ETF1: variants seen among roughly 807,000 people sequenced by gnomAD.
The protein encoded by ETF1 is eukaryotic peptide chain release factor subunit 1.
ETF1 carries 4 observed loss-of-function variants against 55.1 expected under a neutral mutation model. The observed-to-expected ratio is 0.07, with a 90% confidence interval of 0.04 to 0.17. ETF1 has a LOEUF of 0.17. Among genes scored for constraint, ETF1 ranks in the 10% least tolerant of loss-of-function variants. The pLI is 1.00. For missense variants in ETF1, 142 were observed against 523.6 expected (o/e 0.27, Z 7.11); for synonymous variants, 157 against 182.3 (o/e 0.86, Z 1.12).
intron 2 of ETF1, among the ~76,000 whole-genome samples, chr5:138,537,264 T>C (rs1561846713): frequency 6.6e-6 from 1 of 152,238 alleles, no homozygotes; most frequent in Non-Finnish European, 1.5e-5. Context: ...TTCAGACCTG[T>C]GGCATCTGTA....
At position 138,508,537 on chromosome 5, in the gene ETF1, C is replaced by A; in HGVS notation, c.1231+132G>T. The A allele has an allele frequency of 6.4e-6, 10 of 1,552,324 alleles. No homozygotes were observed. In the South Asian group the frequency reaches 1.1e-4, roughly 18 times the overall value. ...ATAAACATGGGTCCAAATTAGGAAC[C>A]TGCACCTGCTGCGTCAATCACCTAT... is the stretch of plus-strand genomic sequence containing the variant. On this transcript the variant is annotated intron_variant, in intron 10 of 10. Transcript: ENST00000360541.
Position 138,541,447 on chromosome 5 carries a change from A to C in ETF1, c.86+1386T>G, listed in dbSNP as rs1766169179. On this transcript the variant is annotated intron_variant, in intron 2 of 10. Coordinates refer to ENST00000360541, the MANE Select transcript of ETF1 (RefSeq NM_004730.4). ...CACAAGCCCGTCACTGAATGGGGCC[A>C]AACTTTTAGAAGCCTCATTCCAAAC... 3.5e-6 allele frequency: 4 copies of C among 1,151,470 alleles called. No individual in the cohort carries two copies. The South Asian group carries it at 5.3e-5, about 15-fold the overall frequency. The allele number at this position is 1,151,470 out of a possible 1,614,324, so 71.3% of individuals were successfully genotyped here.
At chr5:138,519,498 T>C (rs1474871968) in intron 2 of ETF1, among the ~76,000 whole-genome samples, 3 of 149,956 alleles carry the variant, frequency 2.0e-5, no homozygotes, top group Middle Eastern at 3.4e-3. Context: ...CTCGTCTCAA[T>C]TAAAAAAAAA....
At chr5:138,531,874 A>G (rs765836060) in intron 2 of ETF1, among the ~76,000 whole-genome samples, 4 of 152,010 alleles carry the variant, frequency 2.6e-5, no homozygotes, top group Admixed American at 6.6e-5. Flanking sequence ...GTGAAACCCC[A>G]TCTCTACTAA....
chr5:138,527,755 G>T (rs897807082), intron 2 of ETF1, among the ~76,000 whole-genome samples: 1 of 151,940 alleles, frequency 6.6e-6, no homozygotes, highest in African/African-American at 2.4e-5. Flanking sequence ...AACCCTAGGG[G>T]TTTGTAGGAA....
At chr5:138,512,614 G>A (rs930521687) in intron 6 of ETF1, 150 bp downstream of exon 6, 13 of 594,524 alleles carry the variant, frequency 2.2e-5, no homozygotes, top group African/African-American at 2.2e-4. Context: ...AATGTTTCCT[G>A]ATAAACATCT....
intron 2 of ETF1, among the ~76,000 whole-genome samples, chr5:138,525,470 T>TAAG (rs10629684): frequency 0.94 from 143,593 of 152,004 alleles, 67,893 homozygotes; most frequent in East Asian, 0.99. Flanking sequence ...AATAATTTTA[T>TAAG]GAGAACAAGC....
chr5:138,522,858 T>C (rs930810055), intron 2 of ETF1, among the ~76,000 whole-genome samples: 4 of 150,642 alleles, frequency 2.7e-5, no homozygotes, highest in African/African-American at 9.8e-5. Context: ...TACAAAAAAT[T>C]AGCCGGGCGC....
chr5:138,518,893 G>C (rs1220413679), intron 2 of ETF1, 26 bp from the exon 3 acceptor site: 23 of 1,608,050 alleles, frequency 1.4e-5, no homozygotes, highest in African/African-American at 2.7e-5. Flanking sequence ...TAACTCATTA[G>C]GGATTTAAAT....
At chr5:138,514,731 G>A (rs1173139381) in intron 4 of ETF1, among the ~76,000 whole-genome samples, 1 of 151,892 alleles carries the variant, frequency 6.6e-6, no homozygotes, top group Non-Finnish European at 1.5e-5. Flanking sequence ...TGTCTTTAAA[G>A]GTATTGCAGC....
chr5:138,529,027 T>C (rs1225290958), intron 2 of ETF1, among the ~76,000 whole-genome samples: 1 of 151,860 alleles, frequency 6.6e-6, no homozygotes, highest in African/African-American at 2.4e-5. Flanking sequence ...ATGCTTGTAA[T>C]CCCAGCAGGA....
Position 138,513,646 on chromosome 5 carries a change from C to T in ETF1, c.463G>A (p.Gly155Ser), listed in dbSNP as rs1764903356. ...KFGFIVIDGS[G>S]ALFGTLQGNT... ...CCTTGGAGTGTGCCAAAAAGTGCAC[C>T]ACTACCATCTATTACAATGAATCCA... is the stretch of plus-strand genomic sequence containing the variant. Residue 155 changes from glycine (G) to serine (S), a missense_variant, in exon 5 of 11, where the codon GGT becomes AGT. By Grantham distance (56) the Gly-to-Ser change is moderately conservative (BLOSUM62 0). This residue lies in a region of ETF1 where 22 missense variants were observed against 158.7 expected (regional missense o/e 0.14). Transcript: ENST00000360541. The T allele has an allele frequency of 6.2e-7, 1 of 1,610,664 alleles. No individual in the cohort carries two copies. Among genetic ancestry groups the T allele is most frequent in the Non-Finnish European group, 8.5e-7 (1 of 1,177,184 alleles).
chr5:138,529,701 A>C, intron 2 of ETF1: 1 of 984,904 alleles, frequency 1.0e-6, no homozygotes, highest in Non-Finnish European at 1.2e-6. Flanking sequence ...ACAGGTGAAA[A>C]AAAGGAATTG....
chr5:138,508,220 G>T lies in ETF1; in HGVS notation c.*85C>A. 7.0e-7 allele frequency: 1 copy of T among 1,421,900 alleles called. No homozygotes were observed. 88.1% of individuals were successfully genotyped at this position (1,421,900 alleles called of 1,614,324 possible). ...GGAAATGTTCCAATTGTAAGGCAGG[G>T]ATCTGTTTGGATTCCACCATGGGTA... is the stretch of plus-strand genomic sequence containing the variant. On this transcript the variant is annotated 3_prime_UTR_variant, in exon 11 of 11. Transcript: ENST00000360541.
chr5:138,514,312 G>C (rs1764928537), intron 4 of ETF1, among the ~76,000 whole-genome samples: 1 of 152,174 alleles, frequency 6.6e-6, no homozygotes, highest in South Asian at 2.1e-4. Context: ...CCAGCACTAT[G>C]GGAGGCTGTG....
At chr5:138,509,215 G>T in intron 9 of ETF1, 7 of 980,368 alleles carry the variant, frequency 7.1e-6, no homozygotes, top group Non-Finnish European at 8.5e-6. Context: ...CTCCAAACCA[G>T]AATTTGAGGA....
At chr5:138,520,976 T>C (rs189547312) in intron 2 of ETF1, among the ~76,000 whole-genome samples, 1 of 152,062 alleles carries the variant, frequency 6.6e-6, no homozygotes, top group South Asian at 2.1e-4. Context: ...TACCATATGA[T>C]CTAGCCATTC....
chr5:138,521,599 T>C (rs1413981284), intron 2 of ETF1, among the ~76,000 whole-genome samples: 1 of 152,214 alleles, frequency 6.6e-6, no homozygotes, highest in African/African-American at 2.4e-5. Context: ...CCATCTCAGT[T>C]CACTGCAACC....
intron 2 of ETF1, chr5:138,519,344 G>A: frequency 3.9e-6 from 1 of 255,054 alleles, no homozygotes; most frequent in Non-Finnish European, 6.2e-6. Context: ...AACTGTGGAA[G>A]TCACAGAAAT....
Sources: gnomAD v4.1 joint callset for allele counts (sites outside exome capture counted in the v4.1 genomes callset) on GRCh38, gnomAD v4.1.1 for gene constraint, gnomAD v4.1.1 regional missense constraint, MANE v1.5 for transcripts, NCBI Gene and HGNC (gene_info 2026-07-23, HGNC 2026-07-21) for gene names.